The following TMEM154 variants were observed in gnomAD, a reference collection of about 807,000 sequenced individuals.
TMEM154 encodes the protein transmembrane protein 154.
TMEM154 carries 27 observed loss-of-function variants against 24.5 expected under a neutral mutation model. The observed-to-expected ratio is 1.10, with a 90% CI of 0.81 to 1.52. TMEM154 has a LOEUF of 1.52. TMEM154 is among the 40% of genes most tolerant of loss of function. TMEM154 has a pLI of 0.00. For synonymous variants in TMEM154, 67 were observed against 76.8 expected, an observed-to-expected ratio of 0.87 and a Z score of 0.67; for missense variants, 228 against 213.4, an observed-to-expected ratio of 1.07 and a Z score of -0.43.
At chr4:152,650,256 C>T (rs1430122856) in intron 3 of TMEM154, among the ~76,000 whole-genome samples, 1 of 152,128 alleles carries the variant, frequency 6.6e-6, no homozygotes, top group Non-Finnish European at 1.5e-5. Flanking sequence ...CAATTGGAGA[C>T]GATTCTCACA....
intron 6 of TMEM154, among the ~76,000 whole-genome samples, chr4:152,632,205 G>C (rs1488565730): frequency 1.3e-5 from 2 of 151,790 alleles, no homozygotes; most frequent in Admixed American, 6.6e-5. Context: ...ATTTTTTCTG[G>C]CTTTTTTTCT....
rs1729028647 is a variant in TMEM154, at chr4:152,679,907, G to C, written c.27C>G (p.Val9=). 1 of 1,611,174 alleles carries C rather than the reference G, an allele frequency of 6.2e-7. No individual in the cohort carries two copies. The highest frequency in any genetic ancestry group is 1.7e-5 in the Admixed American group (1 of 59,702). Residue 9 remains valine (V), a synonymous_variant, in exon 1 of 7, where the codon GTC becomes GTG. Coordinates refer to ENST00000304385, the MANE Select transcript of TMEM154 (RefSeq NM_152680.3). MQAPRAAL[V]FALVIALVPV... ...GAACGAGCGCGATCACCAGGGCGAA[G>C]ACTAGGGCTGCGCGGGGAGCCTGCA...
At chr4:152,638,862 C>T (rs777767121) in intron 6 of TMEM154, among the ~76,000 whole-genome samples, 2 of 152,148 alleles carry the variant, frequency 1.3e-5, no homozygotes, top group Non-Finnish European at 2.9e-5. Context: ...CAGCTCTGGA[C>T]CCACAGTGGA....
chr4:152,647,232 A>G (rs2149782551), intron 3 of TMEM154: 1 of 985,158 alleles, frequency 1.0e-6, no homozygotes, highest in African/African-American at 1.7e-5. Flanking sequence ...CCCAGGGGAC[A>G]TAGTGTGCAG....
chr4:152,647,279 C>T (rs1728272002), intron 3 of TMEM154: 3 of 985,358 alleles, frequency 3.0e-6, no homozygotes, highest in East Asian at 1.1e-4. Flanking sequence ...TCTGTGGGAG[C>T]TTTCCAAGCA....
At position 152,620,429 on chromosome 4, in the gene TMEM154, A is replaced by C. The variant is rs1356653248; in HGVS notation, c.*8117T>G. 6.6e-6 allele frequency: 1 copy of C among 152,156 alleles called. No homozygotes were observed. Among genetic ancestry groups the C allele is most frequent in the Non-Finnish European group, 1.5e-5 (1 of 68,128 alleles). The allele number at this position is 152,156 out of a possible 1,614,324, so 9.4% of individuals were successfully genotyped here. On this transcript the variant is annotated 3_prime_UTR_variant, in exon 7 of 7. Coordinates refer to ENST00000304385, the MANE Select transcript of TMEM154 (RefSeq NM_152680.3). Reference sequence around the variant, plus strand: ...GCCTTCACTGCCTCTGTTCCTTCTTATCTCAGCCTGCAGCCTCTGTTACTT... The same window carrying C: ...GCCTTCACTGCCTCTGTTCCTTCTTCTCTCAGCCTGCAGCCTCTGTTACTT...
intron 1 of TMEM154, among the ~76,000 whole-genome samples, chr4:152,655,843 G>C (rs1220785370): frequency 6.6e-6 from 1 of 152,114 alleles, no homozygotes; most frequent in African/African-American, 2.4e-5. Flanking sequence ...GCCTTCACCT[G>C]AGCTTTCTAT....
chr4:152,661,389 G>A (rs531194611), intron 1 of TMEM154, among the ~76,000 whole-genome samples: 33 of 139,682 alleles, frequency 2.4e-4, no homozygotes, highest in African/African-American at 7.5e-4. Context: ...CAGTAACTGG[G>A]ATGTATTGAA....
chr4:152,646,452 G>C (rs969316351), intron 3 of TMEM154: 1 of 155,312 alleles, frequency 6.4e-6, no homozygotes, highest in Non-Finnish European at 1.4e-5. Context: ...GGCACACAAA[G>C]AGCAGAGCAT....
intron 1 of TMEM154, chr4:152,669,735 T>C (rs1194361323): frequency 6.6e-6 from 1 of 152,226 alleles, no homozygotes; most frequent in East Asian, 1.9e-4. Context: ...GGAATCCCGT[T>C]TCTGAAAATT....
intron 3 of TMEM154, chr4:152,647,028 A>G (rs562351791): frequency 3.9e-5 from 29 of 746,228 alleles, no homozygotes; most frequent in Non-Finnish European, 6.1e-5. Context: ...ACGTTACTAC[A>G]TCATGTTTCC....
intron 1 of TMEM154, among the ~76,000 whole-genome samples, chr4:152,671,607 C>G (rs1386915241): frequency 6.7e-6 from 1 of 150,156 alleles, no homozygotes; most frequent in South Asian, 2.1e-4. Context: ...ATTAGCCGGG[C>G]GTAGTGGCGG....
chr4:152,671,865 A>G (rs1728847251), intron 1 of TMEM154, among the ~76,000 whole-genome samples: 1 of 151,814 alleles, frequency 6.6e-6, no homozygotes, highest in African/African-American at 2.4e-5. Flanking sequence ...GGCCCCTGTG[A>G]CATGTCCAGG....
chr4:152,652,768 T>G lies in TMEM154; in HGVS notation c.224A>C (p.Glu75Ala). Residue 75 changes from glutamate to alanine, a missense_variant, in exon 2 of 7, where the codon GAG becomes GCG. Coordinates refer to ENST00000304385, the MANE Select transcript of TMEM154 (RefSeq NM_152680.3). Reference protein sequence around the residue: ...TNFAPDENQLEFILMVLIPLI... With the variant: ...TNFAPDENQLAFILMVLIPLI... ...TGGGATTAACACCATCAGTATAAAC[T>G]CTAACTGATTTTCATCCGGAGCAAA... The G allele has an allele frequency of 1.2e-6, 2 of 1,614,064 alleles. No individual in the cohort carries two copies. Among genetic ancestry groups the G allele is most frequent in the Non-Finnish European group, 1.7e-6 (2 of 1,179,982 alleles).
intron 1 of TMEM154, among the ~76,000 whole-genome samples, chr4:152,660,349 T>C (rs748725259): frequency 2.0e-5 from 3 of 152,038 alleles, no homozygotes; most frequent in Non-Finnish European, 4.4e-5. Flanking sequence ...TAGAGGTCAG[T>C]GAATCTTCCT....
intron 1 of TMEM154, among the ~76,000 whole-genome samples, chr4:152,673,820 TTTG>T (rs1728901167): frequency 6.6e-6 from 1 of 152,146 alleles, no homozygotes; most frequent in Non-Finnish European, 1.5e-5. Context: ...TTCATTTTGT[TTTG>T]TTTTGTTTTT....
chr4:152,652,704 G>A lies in TMEM154; in HGVS notation c.288C>T (p.Phe96=). The A allele has an allele frequency of 6.2e-7, 1 of 1,613,878 alleles. No individual in the cohort carries two copies. The highest frequency in any genetic ancestry group is 8.5e-7 in the Non-Finnish European group (1 of 1,179,916). Residue 96 remains phenylalanine, a synonymous_variant, in exon 2 of 7, where the codon TTC becomes TTT. Coordinates refer to ENST00000304385, the MANE Select transcript of TMEM154 (RefSeq NM_152680.3). ...TTTTTCTTTTATAGTATGTTGCAAG[G>A]AATACCACGGATAAAAGTAAGAGGA... is the stretch of plus-strand genomic sequence containing the variant. ...LLVLLLLSVV[F]LATYYKRKRT...
At chr4:152,639,601 CCTCT>C (rs1002892752) in intron 6 of TMEM154, among the ~76,000 whole-genome samples, 6 of 150,946 alleles carry the variant, frequency 4.0e-5, no homozygotes, top group Non-Finnish European at 7.4e-5. Context: ...CCTCTCTCTC[CCTCT>C]CTCTCTCCCC....
chr4:152,674,042 A>C lies in TMEM154; in HGVS notation c.64+5828T>G, dbSNP rs77775821. On this transcript the variant is annotated intron_variant, in intron 1 of 6. Coordinates refer to ENST00000304385, the MANE Select transcript of TMEM154 (RefSeq NM_152680.3). ...AATGCGGTAACCTGAAAATTCTCCC[A>C]ATGTGCAACACCTAGAAATGTTGAA... Among the ~76,000 whole-genome samples, 1,195 of 152,122 alleles carry C rather than the reference A, an allele frequency of 7.9e-3. 24 individuals carry two copies. Among genetic ancestry groups the C allele is most frequent in the African/African-American group, 0.028 (1,143 of 41,474 alleles).
Sources: gnomAD v4.1 joint callset for allele counts (sites outside exome capture counted in the v4.1 genomes callset) on GRCh38, gnomAD v4.1.1 for gene constraint, MANE v1.5 for transcripts, NCBI Gene and HGNC (gene_info 2026-07-23, HGNC 2026-07-21) for gene names.